The following TUSC3 variants were observed in gnomAD, a reference collection of about 807,000 sequenced individuals.
TUSC3 encodes the protein dolichyl-diphosphooligosaccharide--protein glycosyltransferase subunit TUSC3.
Under a neutral mutation model 44.8 loss-of-function variants are expected in TUSC3, and 45 were observed. That is an observed-to-expected ratio of 1.00 (90% CI 0.79 to 1.29). TUSC3 has a LOEUF of 1.29. Among genes scored for constraint, TUSC3 ranks in the 50% most tolerant of loss-of-function variants. TUSC3 has a pLI of 0.00. For missense variants in TUSC3, 519 were observed against 437.9 expected (o/e 1.19, Z -1.65); for synonymous variants, 212 against 152.9 (o/e 1.39, Z -2.85).
intron 2 of TUSC3, among the ~76,000 whole-genome samples, chr8:15,649,339 C>T (rs1265848608): frequency 2.0e-5 from 3 of 151,866 alleles, no homozygotes; most frequent in Non-Finnish European, 1.5e-5. Context: ...AATCCCAGCA[C>T]TTTGGGAGGC....
intron 1 of TUSC3, among the ~76,000 whole-genome samples, chr8:15,556,131 A>T (rs7817101): frequency 0.023 from 3,350 of 148,588 alleles, 161 homozygotes; most frequent in African/African-American, 0.078. Context: ...GCATTAGGTA[A>T]ATCTCCCAGT....
At chr8:15,820,775 C>A in the TUSC3 span, among the ~76,000 whole-genome samples, 18 of 152,062 alleles carry the variant, frequency 1.2e-4, no homozygotes, top group African/African-American at 4.3e-4. Context: ...AAACTAGCTA[C>A]CTTGGAATTT....
At chr8:15,710,306 A>T (rs1216581196) in intron 6 of TUSC3, among the ~76,000 whole-genome samples, 1 of 151,886 alleles carries the variant, frequency 6.6e-6, no homozygotes, top group African/African-American at 2.4e-5. Context: ...ATATATAGTT[A>T]TTTAAACTGG....
At chr8:15,496,350 G>C (rs936907068) in intron 2 of TUSC3, among the ~76,000 whole-genome samples, 3 of 152,112 alleles carry the variant, frequency 2.0e-5, no homozygotes, top group East Asian at 3.9e-4. Context: ...ACGCCTCTAG[G>C]GGCCATCCTA....
chr8:15,770,340 T>G (rs1812419127), downstream of TUSC3, among the ~76,000 whole-genome samples: 1 of 151,990 alleles, frequency 6.6e-6, no homozygotes, highest in African/African-American at 2.4e-5. Context: ...TTCTCACTCA[T>G]AAGTGAGAGT....
chr8:15,648,273 C>G (rs1806717942), intron 2 of TUSC3, among the ~76,000 whole-genome samples: 1 of 152,106 alleles, frequency 6.6e-6, no homozygotes, highest in Non-Finnish European at 1.5e-5. Context: ...CTTTTACTAT[C>G]TTTATTCCTT....
intron 1 of TUSC3, among the ~76,000 whole-genome samples, chr8:15,442,107 T>G (rs762687413): frequency 2.4e-4 from 36 of 152,186 alleles, no homozygotes; most frequent in Non-Finnish European, 3.7e-4. Flanking sequence ...CTATTAGGAT[T>G]TGAATGTGTT....
At chr8:15,785,016 T>C in the TUSC3 span, among the ~76,000 whole-genome samples, 2 of 151,712 alleles carry the variant, frequency 1.3e-5, no homozygotes, top group African/African-American at 4.9e-5. Flanking sequence ...AATATATATA[T>C]ATATATACAC....
intron 6 of TUSC3, among the ~76,000 whole-genome samples, chr8:15,674,932 T>A (rs886999869): frequency 2.1e-4 from 32 of 152,028 alleles, no homozygotes; most frequent in African/African-American, 7.5e-4. Context: ...AATGCTGGCT[T>A]CCCAACAAGA....
At chr8:15,818,533 T>G in the TUSC3 span, among the ~76,000 whole-genome samples, 1 of 152,220 alleles carries the variant, frequency 6.6e-6, no homozygotes. Flanking sequence ...AGCCACTGCA[T>G]TAGACAGGTG....
the TUSC3 span, among the ~76,000 whole-genome samples, chr8:15,824,808 G>A: frequency 4.6e-5 from 7 of 152,142 alleles, no homozygotes; most frequent in African/African-American, 1.7e-4. Context: ...AACTATCACA[G>A]AATTCCCATC....
At chr8:15,639,029 T>C (rs1001651383) in intron 2 of TUSC3, among the ~76,000 whole-genome samples, 2 of 146,170 alleles carry the variant, frequency 1.4e-5, no homozygotes, top group Admixed American at 1.4e-4. Flanking sequence ...CGATGCTAGA[T>C]CACGTGATGT....
At chr8:15,506,304 C>A (rs13280621) in intron 2 of TUSC3, among the ~76,000 whole-genome samples, 65,067 of 152,020 alleles carry the variant, frequency 0.43, 15,629 homozygotes, top group Non-Finnish European at 0.56. Flanking sequence ...TCCCTCTTTA[C>A]CAAGGTGGAT....
chr8:15,831,489 T>C, the TUSC3 span, among the ~76,000 whole-genome samples: 3 of 151,836 alleles, frequency 2.0e-5, no homozygotes, highest in African/African-American at 4.8e-5. Context: ...AGAATATGGA[T>C]AGAAAAAAAG....
At chr8:15,769,567 A>G (rs535595047), downstream of TUSC3, among the ~76,000 whole-genome samples, 1 of 152,334 alleles carries the variant, frequency 6.6e-6, no homozygotes, top group Admixed American at 6.5e-5. Context: ...ACAAATGCCA[A>G]AATTGATACA....
intron 1 of TUSC3, among the ~76,000 whole-genome samples, chr8:15,445,995 T>C (rs140110014): frequency 0.068 from 10,284 of 150,220 alleles, 521 homozygotes; most frequent in Non-Finnish European, 0.1. Context: ...GCGGAGACGC[T>C]CCTCACTTCC....
At position 15,685,943 on chromosome 8, in the gene TUSC3, A is replaced by T. The variant is rs1431898228; in HGVS notation, c.798+12107A>T. Among the ~76,000 whole-genome samples, 3 of 151,322 alleles carry T rather than the reference A, an allele frequency of 2.0e-5. No homozygotes were observed. The East Asian group carries it at 5.9e-4, about 30-fold the overall frequency. On this transcript the variant is annotated intron_variant, in intron 6 of 10. Coordinates refer to ENST00000503731, the MANE Select transcript of TUSC3 (RefSeq NM_006765.4). ...TTGTGAAATCAAACATGTCTAGGAA[A>T]ACCTGAAGATATTGACAAAGTGTTT... is the stretch of plus-strand genomic sequence containing the variant.
intron 6 of TUSC3, among the ~76,000 whole-genome samples, chr8:15,724,572 CCTT>C (rs1810425996): frequency 6.6e-6 from 1 of 152,108 alleles, no homozygotes; most frequent in African/African-American, 2.4e-5. Flanking sequence ...ATGTTTTCTT[CCTT>C]CTTTTTGCTT....
chr8:15,424,647 G>A (rs142982023), intron 1 of TUSC3, among the ~76,000 whole-genome samples: 2 of 152,140 alleles, frequency 1.3e-5, no homozygotes, highest in South Asian at 2.1e-4. Flanking sequence ...CTGGGAGGCC[G>A]AGGTGGATGG....
Sources: gnomAD v4.1 joint callset for allele counts (sites outside exome capture counted in the v4.1 genomes callset) on GRCh38, gnomAD v4.1.1 for gene constraint, MANE v1.5 for transcripts, NCBI Gene and HGNC (gene_info 2026-07-23, HGNC 2026-07-21) for gene names.